HIP1R: variants seen among roughly 807,000 people sequenced by gnomAD.
HIP1R encodes the protein huntingtin interacting protein 1 related, also known as huntingtin-interacting protein 1-related protein.
In HIP1R, 135 loss-of-function variants were observed where a neutral mutation model predicts 144.2. The ratio of observed to expected loss-of-function variants is 0.94; its 90% CI spans 0.81 to 1.08. The LOEUF is 1.08. Among genes scored for constraint, HIP1R ranks in the 50% least tolerant of loss-of-function variants. The pLI is 0.00. For missense variants in HIP1R, 1,462 were observed against 1,432.8 expected (o/e 1.02, Z -0.33); for synonymous variants, 698 against 612.8 (o/e 1.14, Z -2.05).
chr12:122,842,045 C>G (rs2033073588), intron 1 of HIP1R, among the ~76,000 whole-genome samples: 1 of 152,184 alleles, frequency 6.6e-6, no homozygotes, highest in South Asian at 2.1e-4. Context: ...CGCCTCGCTG[C>G]TTTGCGTGTG....
At position 122,861,147 on chromosome 12, in the gene HIP1R, C is replaced by T. The variant is rs139641154; in HGVS notation, c.2907C>T (p.Ser969=). The T allele has an allele frequency of 3.7e-5, 60 of 1,613,312 alleles. 1 individual carries two copies. In the African/African-American group the frequency reaches 4.0e-4, roughly 11 times the overall value. Residue 969 remains serine, a synonymous_variant, in exon 30 of 32, where the codon TCC becomes TCT. Transcript: ENST00000253083. The part of the protein sequence containing the change: ...QIEDRDTMDF[S]GLSLIKLKKQ... ...CGGCCACAGACACCATGGATTTCTC[C>T]GGCCTGTCCCTCATCAAGCTGAAGA...
intron 18 of HIP1R, chr12:122,857,471 C>T: frequency 1.7e-6 from 1 of 577,084 alleles, no homozygotes; most frequent in African/African-American, 1.9e-5. Flanking sequence ...TTTATCTGTT[C>T]ATCACTTGGT....
At chr12:122,860,554 G>A (rs1409561203) in intron 27 of HIP1R, 31 bp downstream of exon 27, 3 of 1,585,072 alleles carry the variant, frequency 1.9e-6, no homozygotes, top group African/African-American at 1.3e-5. Context: ...GGGGGCAGGG[G>A]GCTGCTTCCT....
chr12:122,858,525 C>T (rs868199623), intron 20 of HIP1R, 90 bp downstream of exon 20: 6 of 1,056,786 alleles, frequency 5.7e-6, no homozygotes, highest in Non-Finnish European at 8.2e-6. Flanking sequence ...GGTTTACAGA[C>T]AGCAGGGACC....
In HIP1R at chr12:122,861,509, C is replaced by A. The variant is rs765835009; in HGVS notation, c.3154C>A (p.His1052Asn). ...QKPSVAPRQD[H>N]QLDKKDGIYP... ...GCCCAGCGTGGCCCCCAGACAGGAC[C>A]ACCAGGTGCCGTCTGCACTGGGATG... Residue 1052 changes from histidine (H) to asparagine (N), a missense_variant, in exon 31 of 32, where the codon CAC (histidine) becomes AAC (asparagine). By Grantham distance (68) the His-to-Asn change is moderately conservative. Coordinates refer to ENST00000253083, the MANE Select transcript of HIP1R (RefSeq NM_003959.3). 1.9e-6 allele frequency: 3 copies of A among 1,610,318 alleles called. No individual in the cohort carries two copies. The highest frequency in any genetic ancestry group is 2.5e-6 in the Non-Finnish European group (3 of 1,178,504).
chr12:122,836,056 G>C lies in HIP1R; in HGVS notation c.93+413G>C, dbSNP rs1198991399. On this transcript the variant is annotated intron_variant, in intron 1 of 31. Transcript: ENST00000253083. The surrounding 1 kb of genome is among the most constrained non-coding windows in gnomAD (Gnocchi z 4.1). The stretch of plus-strand genomic sequence containing the variant: ...GGGCTGGGGATCCAGGTGCTCCCGG[G>C]GCCGGCGCGGCCCGACTGGGGTCCC... Among the ~76,000 whole-genome samples, 2 of 151,884 alleles carry C rather than the reference G, an allele frequency of 1.3e-5. No homozygotes were observed. The highest frequency in any genetic ancestry group is 2.9e-5 in the Non-Finnish European group (2 of 67,914).
chr12:122,859,376 G>A (rs1367236242), intron 22 of HIP1R, 50 bp from the exon 23 acceptor site: 5 of 1,542,060 alleles, frequency 3.2e-6, no homozygotes, highest in Middle Eastern at 1.7e-4. Context: ...GGCTGCCCGT[G>A]GGACGGGGGG....
Position 122,855,425 on chromosome 12 carries a change from C to A in HIP1R, c.993+20C>A, listed in dbSNP as rs530434049. The A allele has an allele frequency of 1.4e-5, 22 of 1,553,266 alleles. No individual in the cohort carries two copies. The highest frequency in any genetic ancestry group is 1.9e-5 in the Non-Finnish European group (22 of 1,149,250). ...CCAGTGGTGAGCCCCCTGCCCAGCC[C>A]GTGTCCCCCAGTCCTCCAGCTGCAG... On this transcript the variant is annotated intron_variant, in intron 11 of 31. Transcript: ENST00000253083.
rs751590896 is a variant in HIP1R at position 122,861,301 on chromosome 12, G to T, written c.2953-7G>T. 2 of 1,613,562 alleles carry T rather than the reference G, an allele frequency of 1.2e-6. No individual in the cohort carries two copies. Among genetic ancestry groups the T allele is most frequent in the Non-Finnish European group, 1.7e-6 (2 of 1,179,988 alleles). ...TGGGCTGGGCTGAGCAGGCCGTGTG[G>T]CTACAGGTGCGTGTCCTGGAGCTGG... On this transcript the variant is annotated splice_region_variant and splice_polypyrimidine_tract_variant and intron_variant, in intron 30 of 31. Transcript: ENST00000253083.
At chr12:122,850,235 G>A (rs903611917) in intron 5 of HIP1R, 6 of 593,282 alleles carry the variant, frequency 1.0e-5, no homozygotes, top group South Asian at 4.6e-5. Flanking sequence ...TGTGCTGGCC[G>A]GGTGCTCCCC....
intron 7 of HIP1R, among the ~76,000 whole-genome samples, chr12:122,853,255 G>T (rs1180960933): frequency 6.8e-6 from 1 of 147,212 alleles, no homozygotes; most frequent in South Asian, 2.3e-4. Context: ...GGGTGTCAGG[G>T]GCAGGGGAGA....
At chr12:122,835,446 C>G (rs1344785219), upstream of HIP1R, 5 of 1,145,712 alleles carry the variant, frequency 4.4e-6, no homozygotes, top group East Asian at 4.2e-5. Context: ...GCGGGCGGGC[C>G]CGGGCGCGGC....
chr12:122,852,893 T>C (rs1048714044), intron 7 of HIP1R, among the ~76,000 whole-genome samples: 5 of 152,170 alleles, frequency 3.3e-5, no homozygotes, highest in Admixed American at 2.0e-4. Flanking sequence ...AAAACATACT[T>C]AGCATGACAT....
Position 122,861,007 on chromosome 12 carries a change from C to A in HIP1R, c.2858C>A (p.Thr953Asn), listed in dbSNP as rs749262450. 55 of 1,613,576 alleles carry A rather than the reference C, an allele frequency of 3.4e-5. No homozygotes were observed. Among genetic ancestry groups the A allele is most frequent in the Admixed American group, 2.2e-4 (13 of 59,996 alleles). The change falls in exon 29 of 32, where the codon ACC becomes AAC. Residue 953 changes from threonine (T) to asparagine (N), a missense_variant. Physicochemically the swap from Thr to Asn is moderately conservative, Grantham distance 65. This residue lies in a region of HIP1R where 1,112 missense variants were observed against 1,011.7 expected (regional missense o/e 1.10). Transcript: ENST00000253083. ...NERAANVVAS[T>N]KSGQEQIEDR... ...AGGGCTGCCAATGTGGTGGCCTCCA[C>A]CAAGTCAGGCCAGGAGCAGATTGAG...
At chr12:122,835,387 G>T (rs1372921464), upstream of HIP1R, 6 of 1,116,444 alleles carry the variant, frequency 5.4e-6, no homozygotes, top group Non-Finnish European at 5.5e-6. Flanking sequence ...GTGTGCGGGG[G>T]AGGGGCGTGC....
chr12:122,855,384 GC>G lies in HIP1R; in HGVS notation c.978del (p.Ala327ArgfsTer22), dbSNP rs1566110178. ...PENLIEISTG[P>X]PAGEPVVVAD... ...AGAATCTCATTGAGATCAGCACAGG[GC>G]CCCCCGCGGGGGAGCCAGTGGTGAG... On this transcript the variant is annotated frameshift_variant, in exon 11 of 32. Transcript: ENST00000253083. LOFTEE classifies it high-confidence loss of function. 31 of 1,576,720 alleles carry G rather than the reference GC, an allele frequency of 2.0e-5. No individual in the cohort carries two copies. Among genetic ancestry groups the G allele is most frequent in the Non-Finnish European group, 2.5e-5 (29 of 1,162,816 alleles).
intron 1 of HIP1R, among the ~76,000 whole-genome samples, chr12:122,842,297 C>T (rs762579255): frequency 1.3e-5 from 2 of 152,206 alleles, no homozygotes; most frequent in East Asian, 1.9e-4. Context: ...GGGAGGCTTA[C>T]GTCTGATTCA....
At chr12:122,858,813 A>G (rs956016203) in intron 20 of HIP1R, 25 bp from the exon 21 acceptor site, 6 of 1,545,160 alleles carry the variant, frequency 3.9e-6, no homozygotes, top group South Asian at 3.3e-5. Flanking sequence ...TCCTCCCCCA[A>G]CCTTGGCCCC....
At chr12:122,856,204 C>A in intron 14 of HIP1R, 41 bp downstream of exon 14, 1 of 1,612,616 alleles carries the variant, frequency 6.2e-7, no homozygotes, top group Non-Finnish European at 8.5e-7. Flanking sequence ...GGGTGTGTCC[C>A]CAGCCCCTGC....
Sources: allele counts gnomAD v4.1 joint callset (sites outside exome capture counted in the v4.1 genomes callset), GRCh38; gene constraint gnomAD v4.1.1; regional missense constraint gnomAD v4.1.1; non-coding constraint Gnocchi (gnomAD v3.1); transcripts MANE v1.5; gene names NCBI Gene and HGNC (gene_info 2026-07-23, HGNC 2026-07-21).